Variants in SYK observed in about 807,000 individuals in gnomAD.
SYK encodes tyrosine-protein kinase SYK.
A neutral mutation model predicts 77.8 loss-of-function variants in SYK; 16 were observed. That is an observed-to-expected ratio of 0.21 (90% CI 0.14 to 0.31). SYK has a LOEUF of 0.31. SYK is among the 10% of genes least tolerant of loss of function. The probability of loss-of-function intolerance (pLI) is 1.00; values close to 1 mark genes in which losing one functional copy is unlikely to be tolerated. For missense variants in SYK, 529 were observed against 814.4 expected (o/e 0.65, Z 4.26); for synonymous variants, 312 against 308.7 (o/e 1.01, Z -0.11).
At chr9:90,854,852 T>G (rs989631159) in intron 3 of SYK, among the ~76,000 whole-genome samples, 1 of 152,016 alleles carries the variant, frequency 6.6e-6, no homozygotes. Flanking sequence ...AATCTTTGAG[T>G]CATCCCTTTT....
chr9:90,865,466 C>A (rs949216333), intron 6 of SYK, among the ~76,000 whole-genome samples: 1 of 152,044 alleles, frequency 6.6e-6, no homozygotes, highest in African/African-American at 2.4e-5. Context: ...TGCCATCACA[C>A]CCGGCTAATT....
intron 3 of SYK, among the ~76,000 whole-genome samples, chr9:90,859,439 A>G (rs1311991099): frequency 1.3e-5 from 2 of 152,202 alleles, no homozygotes; most frequent in Non-Finnish European, 2.9e-5. Context: ...TGTGCTTTGT[A>G]TAGCTACCAT....
At chr9:90,839,349 A>G (rs1826207364) in intron 1 of SYK, among the ~76,000 whole-genome samples, 1 of 152,146 alleles carries the variant, frequency 6.6e-6, no homozygotes, top group African/African-American at 2.4e-5. Context: ...ATGGCCAGAA[A>G]AGGGCCATCA....
At chr9:90,828,275 G>C (rs1825747539) in intron 1 of SYK, among the ~76,000 whole-genome samples, 1 of 121,226 alleles carries the variant, frequency 8.2e-6, no homozygotes, top group African/African-American at 3.2e-5. Context: ...CAGCTGAGTA[G>C]GAAAGGATCT....
At chr9:90,820,862 T>G (rs532211960) in intron 1 of SYK, among the ~76,000 whole-genome samples, 1 of 110,736 alleles carries the variant, frequency 9.0e-6, no homozygotes, top group African/African-American at 4.0e-5. Context: ...TTTTATGCTC[T>G]TTTTTTTTTT....
chr9:90,879,978 T>C (rs990477423), intron 11 of SYK, among the ~76,000 whole-genome samples: 1 of 152,238 alleles, frequency 6.6e-6, no homozygotes, highest in African/African-American at 2.4e-5. Flanking sequence ...GGGTCTATGT[T>C]AACCAACTGG....
At position 90,845,519 on chromosome 9, in the gene SYK, G is replaced by C. The variant is rs1466942437; in HGVS notation, c.503G>C (p.Trp168Ser). 6.2e-7 allele frequency: 1 copy of C among 1,614,064 alleles called. No individual in the cohort carries two copies. The highest frequency in any genetic ancestry group is 1.7e-5 in the Admixed American group (1 of 60,008). The change falls in exon 3 of 14, where the codon TGG becomes TCG. Residue 168 changes from tryptophan to serine, a missense_variant. Physicochemically the swap from Trp to Ser is radical, Grantham distance 177. Around this residue, in one of 2 missense-constraint regions of SYK, gnomAD observed 321 missense variants for 433.1 expected, o/e 0.74. Transcript: ENST00000375754. ...IATTAHEKMPWFHGKISREES... is the reference protein window; with the variant it reads ...IATTAHEKMPSFHGKISREES... ...ACCACAGCCCATGAAAAAATGCCTT[G>C]GTTCCATGGAAAAATCTCTCGGGAA...
At position 90,895,503 on chromosome 9, in the gene SYK, CA is replaced by C; in HGVS notation, c.1836-23del. ...AATTTTTCACAAGCACATTGACAAA[CA>C]AGAATGCATCTCTTCCATTCCAGTG... On this transcript the variant is annotated intron_variant, in intron 13 of 13. Transcript: ENST00000375754. The surrounding 1 kb of genome is among the most constrained non-coding windows in gnomAD (Gnocchi z 4.4). The C allele has an allele frequency of 3.7e-6, 6 of 1,613,284 alleles. No homozygotes were observed. The highest frequency in any genetic ancestry group is 5.1e-6 in the Non-Finnish European group (6 of 1,179,524).
chr9:90,807,687 G>A (rs1267979955), intron 1 of SYK, among the ~76,000 whole-genome samples: 1 of 152,182 alleles, frequency 6.6e-6, no homozygotes, highest in East Asian at 1.9e-4. Flanking sequence ...CTCCAAGATG[G>A]GAGAACTTTC....
At chr9:90,879,557 A>G (rs34872092) in intron 11 of SYK, among the ~76,000 whole-genome samples, 28,596 of 152,098 alleles carry the variant, frequency 0.19, 3,020 homozygotes, top group Admixed American at 0.3. Flanking sequence ...CAAAAGTTAG[A>G]AAGTGAAGAT....
chr9:90,883,183 A>T (rs1458367175), intron 11 of SYK, among the ~76,000 whole-genome samples: 1 of 152,072 alleles, frequency 6.6e-6, no homozygotes, highest in African/African-American at 2.4e-5. Flanking sequence ...CACACACCCC[A>T]GGGACAGATC....
chr9:90,869,924 A>G (rs914402892), intron 7 of SYK, among the ~76,000 whole-genome samples: 2 of 152,114 alleles, frequency 1.3e-5, no homozygotes, highest in African/African-American at 4.8e-5. Flanking sequence ...CCTGGCCAAT[A>G]TGGTGAAAAC....
chr9:90,840,843 T>C (rs1826280836), intron 1 of SYK, among the ~76,000 whole-genome samples: 1 of 152,206 alleles, frequency 6.6e-6, no homozygotes, highest in East Asian at 1.9e-4. Flanking sequence ...AACCCATGCC[T>C]CATTAGGGGC....
chr9:90,814,487 A>G (rs28457070), intron 1 of SYK, among the ~76,000 whole-genome samples: 1,956 of 152,314 alleles, frequency 0.013, 49 homozygotes, highest in African/African-American at 0.045. Flanking sequence ...TGTCAGGCAG[A>G]GTAGAACAGG....
intron 1 of SYK, among the ~76,000 whole-genome samples, chr9:90,812,215 T>A (rs1293673854): frequency 1.3e-5 from 2 of 152,156 alleles, no homozygotes; most frequent in Admixed American, 1.3e-4. Context: ...TTTACAACGA[T>A]CAGGAGTGTG....
chr9:90,898,116 T>C lies in SYK; in HGVS notation c.*2516T>C, dbSNP rs117866558. ...AGGTAAGGTGCCTTTTACCTTATGG[T>C]CCTTCTTTAGCAGGTAACAAAGGAG... On this transcript the variant is annotated 3_prime_UTR_variant, in exon 14 of 14. Transcript: ENST00000375754. The C allele has an allele frequency of 8.7e-6, 2 of 228,692 alleles. No homozygotes were observed. Among genetic ancestry groups the C allele is most frequent in the Non-Finnish European group, 1.7e-5 (2 of 115,364 alleles). 14.2% of individuals were successfully genotyped at this position (228,692 alleles called of 1,614,324 possible).
At chr9:90,854,653 A>G (rs556354160) in intron 3 of SYK, among the ~76,000 whole-genome samples, 125 of 152,244 alleles carry the variant, frequency 8.2e-4, no homozygotes, top group South Asian at 5.0e-3. Context: ...TAAAAAGCGC[A>G]GAAACCCTCA....
chr9:90,820,562 C>T (rs1466597911), intron 1 of SYK, among the ~76,000 whole-genome samples: 1 of 152,212 alleles, frequency 6.6e-6, no homozygotes. Context: ...CCCTTTCAGC[C>T]ACAGCTGGAG....
chr9:90,813,560 G>C (rs1004461151), intron 1 of SYK, among the ~76,000 whole-genome samples: 3 of 152,120 alleles, frequency 2.0e-5, no homozygotes, highest in African/African-American at 7.2e-5. Context: ...TACCCCATCT[G>C]CAAAATGAGG....
Sources: gnomAD v4.1 joint callset for allele counts (sites outside exome capture counted in the v4.1 genomes callset) on GRCh38, gnomAD v4.1.1 for gene constraint, gnomAD v4.1.1 regional missense constraint, Gnocchi (gnomAD v3.1) non-coding constraint, MANE v1.5 for transcripts, NCBI Gene and HGNC (gene_info 2026-07-23, HGNC 2026-07-21) for gene names.